THUMPD2: variants seen among roughly 807,000 people sequenced by gnomAD.
THUMPD2 encodes the protein U6 snRNA (guanine-N(2))-methyltransferase THUMPD2.
Under a neutral mutation model 49.4 loss-of-function variants are expected in THUMPD2, and 56 were observed. The observed-to-expected ratio is 1.13, with a 90% CI of 0.91 to 1.41. The LOEUF (loss-of-function observed/expected upper bound fraction) is 1.41, where lower values mean the gene tolerates loss of function less well. Among genes scored for constraint, THUMPD2 ranks in the 40% most tolerant of loss-of-function variants. The probability of loss-of-function intolerance (pLI) is 0.00; values close to 1 mark genes in which losing one functional copy is unlikely to be tolerated. For missense variants in THUMPD2, 709 were observed against 594.5 expected, an observed-to-expected ratio of 1.19 and a Z score of -2.00; for synonymous variants, 237 against 205.2, an observed-to-expected ratio of 1.15 and a Z score of -1.32.
chr2:39,772,666 T>A (rs1861258), intron 1 of THUMPD2, among the ~76,000 whole-genome samples: 55,200 of 152,016 alleles, frequency 0.36, 11,791 homozygotes, highest in Non-Finnish European at 0.49. Context: ...TCTTTTAGGG[T>A]CAACCCAACC....
chr2:39,768,607 T>C (rs1677869074), intron 3 of THUMPD2, 106 bp from the exon 4 acceptor site: 2 of 911,142 alleles, frequency 2.2e-6, no homozygotes, highest in East Asian at 2.5e-5. Flanking sequence ...AGTCAGGCTA[T>C]CTGATGGTAA....
At chr2:39,761,447 T>C (rs772326493) in intron 5 of THUMPD2, 29 bp from the exon 6 acceptor site, 1 of 1,583,728 alleles carries the variant, frequency 6.3e-7, no homozygotes, top group East Asian at 2.2e-5. Flanking sequence ...GATTATATAT[T>C]ATTACACATT....
At chr2:39,747,296 TTC>T (rs1020702759) in intron 8 of THUMPD2, among the ~76,000 whole-genome samples, 15 of 152,226 alleles carry the variant, frequency 9.9e-5, no homozygotes, top group Non-Finnish European at 1.8e-4. Context: ...GATTATGACC[TTC>T]TCTCGTTTGG....
chr2:39,765,218 G>A (rs1455996890), intron 5 of THUMPD2, among the ~76,000 whole-genome samples: 1 of 152,116 alleles, frequency 6.6e-6, no homozygotes, highest in African/African-American at 2.4e-5. Context: ...GGAGTGCAAT[G>A]GCATGATTCT....
chr2:39,755,490 C>A, intron 7 of THUMPD2, 81 bp from the exon 8 acceptor site: 2 of 913,286 alleles, frequency 2.2e-6, no homozygotes, highest in South Asian at 1.8e-5. Flanking sequence ...TGCATTTTCT[C>A]AAATGACAAG....
chr2:39,766,399 A>C (rs1677524319), intron 4 of THUMPD2, among the ~76,000 whole-genome samples: 1 of 152,194 alleles, frequency 6.6e-6, no homozygotes, highest in African/African-American at 2.4e-5. Context: ...TCTAGGAATT[A>C]TCATAAGTGG....
intron 1 of THUMPD2, among the ~76,000 whole-genome samples, chr2:39,776,879 T>C (rs1374081277): frequency 6.6e-6 from 1 of 152,210 alleles, no homozygotes; most frequent in Non-Finnish European, 1.5e-5. Flanking sequence ...AGAAAACCTT[T>C]TGGGGCTGGC....
intron 5 of THUMPD2, among the ~76,000 whole-genome samples, chr2:39,762,235 C>T (rs1242950996): frequency 1.3e-5 from 2 of 152,124 alleles, no homozygotes; most frequent in Non-Finnish European, 2.9e-5. Flanking sequence ...TTGGGGTTGG[C>T]TTCTTCCAAA....
intron 8 of THUMPD2, among the ~76,000 whole-genome samples, chr2:39,752,710 A>G (rs893249561): frequency 6.6e-6 from 1 of 152,210 alleles, no homozygotes; most frequent in Non-Finnish European, 1.5e-5. Flanking sequence ...AACTCACAGA[A>G]GAATCATTTA....
rs192280226 is a variant in THUMPD2 at position 39,755,851 on chromosome 2, T to A, written c.963+38A>T. On this transcript the variant is annotated intron_variant, in intron 7 of 9. Transcript: ENST00000505747. Reference sequence around the variant, plus strand: ...ATTATACTACATATACTGATTAAAGTAGATAAATTGCTTGCTTTACCAAAC... The same window carrying A: ...ATTATACTACATATACTGATTAAAGAAGATAAATTGCTTGCTTTACCAAAC... 123 of 1,548,090 alleles carry A rather than the reference T, an allele frequency of 7.9e-5. 1 individual carries two copies. In the Admixed American group the frequency reaches 9.0e-4, roughly 11 times the overall value.
intron 6 of THUMPD2, 36 bp downstream of exon 6, chr2:39,761,295 C>A: frequency 6.4e-7 from 1 of 1,570,958 alleles, no homozygotes; most frequent in Non-Finnish European, 8.8e-7. Context: ...ATGAAAAGAA[C>A]CTTGCTATTA....
At chr2:39,770,216 TTAAG>T (rs1212928072) in intron 2 of THUMPD2, 97 bp from the exon 3 acceptor site, 10 of 805,776 alleles carry the variant, frequency 1.2e-5, no homozygotes, top group Admixed American at 7.9e-5. Context: ...TTTCCTTGAA[TTAAG>T]TTTTATTAAA....
In THUMPD2 at chr2:39,779,213, C is replaced by A. The variant is rs990264120; in HGVS notation, c.27G>T (p.Gly9=). The change falls in exon 1 of 10, where the codon GGG becomes GGT. Residue 9 remains glycine, a synonymous_variant. Coordinates refer to ENST00000505747, the MANE Select transcript of THUMPD2 (RefSeq NM_025264.5). MSEARGEP[G]SGPEAGARFF... Reference sequence around the variant, plus strand: ...ATCGGGCGCCAGCCTCAGGCCCGGACCCTGGCTCTCCACGCGCCTCCGACA... The same window carrying A: ...ATCGGGCGCCAGCCTCAGGCCCGGAACCTGGCTCTCCACGCGCCTCCGACA... The A allele has an allele frequency of 1.3e-5, 20 of 1,503,438 alleles. No homozygotes were observed. The highest frequency in any genetic ancestry group is 1.1e-4 in the Admixed American group (5 of 46,516). 93.1% of individuals were successfully genotyped at this position (1,503,438 alleles called of 1,614,324 possible). A position where few individuals can be genotyped will look rare whatever the true frequency, so the allele number is the denominator to read the frequency against.
At chr2:39,754,215 A>G (rs928588448) in intron 8 of THUMPD2, among the ~76,000 whole-genome samples, 3 of 152,178 alleles carry the variant, frequency 2.0e-5, no homozygotes, top group Admixed American at 2.0e-4. Context: ...TTCTTAAAGA[A>G]ATTAGGGATC....
At chr2:39,745,135 T>C (rs1674400622) in intron 8 of THUMPD2, among the ~76,000 whole-genome samples, 1 of 152,180 alleles carries the variant, frequency 6.6e-6, no homozygotes, top group African/African-American at 2.4e-5. Flanking sequence ...TACTTTCCAC[T>C]TTTTACTTAT....
intron 1 of THUMPD2, among the ~76,000 whole-genome samples, chr2:39,772,049 AG>A (rs1402290591): frequency 8.5e-5 from 13 of 152,336 alleles, no homozygotes; most frequent in African/African-American, 2.9e-4. Flanking sequence ...AAAACTAAAA[AG>A]TTTTAACATT....
intron 5 of THUMPD2, among the ~76,000 whole-genome samples, chr2:39,765,509 T>TA (rs201856394): frequency 0.027 from 4,111 of 149,888 alleles, 181 homozygotes; most frequent in African/African-American, 0.094. Context: ...GTCAAAGTAT[T>TA]AAAAAAAAAA....
chr2:39,743,167 A>G (rs1438438169), intron 9 of THUMPD2, among the ~76,000 whole-genome samples: 6 of 152,218 alleles, frequency 3.9e-5, no homozygotes, highest in Admixed American at 3.9e-4. Context: ...CACATGGCTC[A>G]TATTTTAAAT....
chr2:39,747,264 T>A (rs1179977369), intron 8 of THUMPD2, among the ~76,000 whole-genome samples: 2 of 152,216 alleles, frequency 1.3e-5, no homozygotes, highest in African/African-American at 4.8e-5. Flanking sequence ...GGCCAAAATA[T>A]ATTTTGAGGT....
Sources: allele counts gnomAD v4.1 joint callset (sites outside exome capture counted in the v4.1 genomes callset), GRCh38; gene constraint gnomAD v4.1.1; transcripts MANE v1.5; gene names NCBI Gene and HGNC (gene_info 2026-07-23, HGNC 2026-07-21).